The following PIAS4 variants were observed in gnomAD, a reference collection of about 807,000 sequenced individuals.
PIAS4 encodes the protein E3 SUMO-protein ligase PIAS4.
A neutral mutation model predicts 58.0 loss-of-function variants in PIAS4; 7 were observed. The ratio of observed to expected loss-of-function variants is 0.12; its 90% confidence interval spans 0.07 to 0.23. The LOEUF is 0.23. PIAS4 is among the 10% of genes least tolerant of loss of function. The pLI is 1.00. For synonymous variants in PIAS4, 364 were observed against 312.4 expected (o/e 1.17, Z -1.74); for missense variants, 550 against 709.5 (o/e 0.78, Z 2.55).
At chr19:4,016,896 AGGCTGGG>A (rs547844439) in intron 2 of PIAS4, among the ~76,000 whole-genome samples, 316 of 152,200 alleles carry the variant, frequency 2.1e-3, no homozygotes, top group African/African-American at 7.2e-3. Flanking sequence ...GGCCCGGGGA[AGGCTGGG>A]GGCTACCCTG....
Position 4,013,875 on chromosome 19 carries a change from T to G in PIAS4, c.454+526T>G, listed in dbSNP as rs527381992. On this transcript the variant is annotated intron_variant, in intron 2 of 10. Coordinates refer to ENST00000262971, the MANE Select transcript of PIAS4 (RefSeq NM_015897.4). This position sits in a 1 kb window ranked among gnomAD's most constrained non-coding sequence, Gnocchi z 5.1. ...CTCCAAGCTGGGAGCTGGAGCCCTT[T>G]TTATAACCCAACCTCGGACACGCCT... Among the ~76,000 whole-genome samples, 1 of 152,196 alleles carries G rather than the reference T, an allele frequency of 6.6e-6. No individual in the cohort carries two copies. Among genetic ancestry groups the G allele is most frequent in the African/African-American group, 2.4e-5 (1 of 41,540 alleles).
rs574379896 is a variant in PIAS4, at chr19:4,037,026, C to A, written c.1143-348C>A. On this transcript the variant is annotated intron_variant, in intron 9 of 10. Coordinates refer to ENST00000262971, the MANE Select transcript of PIAS4 (RefSeq NM_015897.4). The surrounding 1 kb of genome is among the most constrained non-coding windows in gnomAD (Gnocchi z 5.8). ...ACACTCACGTCCACACACGCTCAAA[C>A]ATGCGTGCACACCCGGAGGTGCCCA... Among the ~76,000 whole-genome samples, 31 of 152,384 alleles carry A rather than the reference C, an allele frequency of 2.0e-4. No individual in the cohort carries two copies. In the South Asian group the frequency reaches 6.0e-3, roughly 29 times the overall value.
chr19:4,011,500 A>G (rs1198834828), intron 1 of PIAS4, among the ~76,000 whole-genome samples: 1 of 152,238 alleles, frequency 6.6e-6, no homozygotes, highest in East Asian at 1.9e-4. Context: ...TTCGCTGGAG[A>G]GGCCCGGCCA....
intron 9 of PIAS4, among the ~76,000 whole-genome samples, chr19:4,036,151 C>T (rs2040280966): frequency 1.1e-5 from 1 of 94,310 alleles, no homozygotes; most frequent in Admixed American, 1.1e-4. Context: ...CCGTACAGTC[C>T]ACACCGTCAT....
At position 4,037,457 on chromosome 19, in the gene PIAS4, C is replaced by T. The variant is rs1190929754; in HGVS notation, c.1226C>T (p.Ala409Val). The change falls in exon 10 of 11, where the codon GCC becomes GTC. Residue 409 changes from alanine (A) to valine (V), a missense_variant. Ala to Val is a moderately conservative substitution (Grantham distance 64). Coordinates refer to ENST00000262971, the MANE Select transcript of PIAS4 (RefSeq NM_015897.4). The surrounding 1 kb of genome is among the most constrained non-coding windows in gnomAD (Gnocchi z 5.8). ...GACGGCTCGTGGTGCCCGATCCGCG[C>T]CGAAAAGGAGCGCAGCTGCAGCCCG... ...LVDGSWCPIR[A>V]EKERSCSPQG... 6.2e-7 allele frequency: 1 copy of T among 1,611,594 alleles called. No individual in the cohort carries two copies. The highest frequency in any genetic ancestry group is 1.3e-5 in the African/African-American group (1 of 74,904).
At chr19:4,021,742 CT>C (rs776416490) in intron 2 of PIAS4, among the ~76,000 whole-genome samples, 7,255 of 104,132 alleles carry the variant, frequency 0.07, 621 homozygotes, top group African/African-American at 0.25. Flanking sequence ...TTTTCTTTTT[CT>C]TTTTTTTTTT....
chr19:4,011,940 G>C (rs1599214194), intron 1 of PIAS4, among the ~76,000 whole-genome samples: 1 of 7,274 alleles, frequency 1.4e-4, no homozygotes, highest in Non-Finnish European at 2.9e-4. Context: ...GTGTGGAGGT[G>C]TGTGGGGTGT....
chr19:4,012,490 G>C (rs537811497), intron 1 of PIAS4, among the ~76,000 whole-genome samples: 1 of 152,096 alleles, frequency 6.6e-6, no homozygotes, highest in Non-Finnish European at 1.5e-5. Flanking sequence ...TGGGTTGAGC[G>C]CCCGCCCAGC....
At chr19:4,018,966 G>A (rs2040080839) in intron 2 of PIAS4, among the ~76,000 whole-genome samples, 1 of 152,118 alleles carries the variant, frequency 6.6e-6, no homozygotes, top group South Asian at 2.1e-4. Flanking sequence ...GGGTGTGTGT[G>A]GCCCTGAGCA....
intron 1 of PIAS4, among the ~76,000 whole-genome samples, chr19:4,009,945 G>T (rs1365713857): frequency 6.6e-6 from 1 of 152,204 alleles, no homozygotes; most frequent in African/African-American, 2.4e-5. Context: ...TTCCTGGAGA[G>T]AGGCGCCTTC....
Position 4,007,794 on chromosome 19 carries a change from G to A in PIAS4, c.27+7G>A, listed in dbSNP as rs2039957230. The A allele has an allele frequency of 4.9e-6, 6 of 1,213,012 alleles. No individual in the cohort carries two copies. The highest frequency in any genetic ancestry group is 8.3e-5 in the South Asian group (2 of 24,130). The allele number at this position is 1,213,012 out of a possible 1,614,324, so 75.1% of individuals were successfully genotyped here. ...GGAGCTGGTGGAGGCCAAAGTGAGT[G>A]AGCGGTGGCGGCGCCGGCCGGGGCA... On this transcript the variant is annotated splice_region_variant and intron_variant, in intron 1 of 10. Transcript: ENST00000262971.
At chr19:4,033,315 C>A in intron 8 of PIAS4, 105 bp from the exon 9 acceptor site, 1 of 1,327,662 alleles carries the variant, frequency 7.5e-7, no homozygotes, top group South Asian at 1.3e-5. Context: ...GTTCCTGAGG[C>A]ATGAGTGATT....
chr19:4,023,429 C>T (rs1204368114), intron 2 of PIAS4, among the ~76,000 whole-genome samples: 1 of 152,190 alleles, frequency 6.6e-6, no homozygotes, highest in Non-Finnish European at 1.5e-5. Context: ...CATTGCACTC[C>T]AGCCTGGGCG....
intron 1 of PIAS4, among the ~76,000 whole-genome samples, chr19:4,009,003 A>G (rs1185290318): frequency 6.6e-6 from 1 of 152,080 alleles, no homozygotes; most frequent in African/African-American, 2.4e-5. Context: ...ACTTTTAATC[A>G]TCCTGGGATT....
intron 2 of PIAS4, among the ~76,000 whole-genome samples, chr19:4,016,935 C>T (rs1457788994): frequency 1.3e-5 from 2 of 152,162 alleles, no homozygotes; most frequent in East Asian, 3.9e-4. Context: ...GGCTTCAGCG[C>T]CCCTGAGGTT....
intron 7 of PIAS4, among the ~76,000 whole-genome samples, chr19:4,031,033 T>G (rs1190996166): frequency 1.3e-5 from 2 of 152,158 alleles, no homozygotes; most frequent in Admixed American, 6.5e-5. Context: ...AGGTGGAATC[T>G]GGGCACCACC....
At chr19:4,025,676 C>G (rs1016309553) in intron 3 of PIAS4, among the ~76,000 whole-genome samples, 1 of 152,188 alleles carries the variant, frequency 6.6e-6, no homozygotes, top group African/African-American at 2.4e-5. Context: ...GCGACCTCGT[C>G]TTTCTCAGCC....
chr19:4,023,459 CCAAAACAAAA>C (rs112254507), intron 2 of PIAS4, among the ~76,000 whole-genome samples: 79 of 152,252 alleles, frequency 5.2e-4, no homozygotes, highest in Admixed American at 2.2e-3. Flanking sequence ...AACTCCATCT[CCAAAACAAAA>C]CAAAACAAAA....
chr19:4,016,268 C>T (rs944502264), intron 2 of PIAS4, among the ~76,000 whole-genome samples: 4 of 152,234 alleles, frequency 2.6e-5, no homozygotes, highest in African/African-American at 4.8e-5. Flanking sequence ...ACATGCTGGC[C>T]GGGCACAGAG....
Sources: gnomAD v4.1 joint callset for allele counts (sites outside exome capture counted in the v4.1 genomes callset) on GRCh38, gnomAD v4.1.1 for gene constraint, Gnocchi (gnomAD v3.1) non-coding constraint, MANE v1.5 for transcripts, NCBI Gene and HGNC (gene_info 2026-07-23, HGNC 2026-07-21) for gene names.